The following SUSD6 variants were observed in gnomAD, a reference collection of about 807,000 sequenced individuals.
The protein encoded by SUSD6 is sushi domain-containing protein 6.
SUSD6 carries 16 observed loss-of-function variants against 28.4 expected under a neutral mutation model. The observed-to-expected ratio is 0.56, with a 90% confidence interval of 0.38 to 0.86. The LOEUF (loss-of-function observed/expected upper bound fraction) is 0.86, where lower values mean the gene tolerates loss of function less well. SUSD6 is among the 40% of genes least tolerant of loss of function. The pLI is 0.00. For synonymous variants in SUSD6, 147 were observed against 159.6 expected (o/e 0.92, Z 0.59); for missense variants, 341 against 384.2 (o/e 0.89, Z 0.94).
intron 1 of SUSD6, among the ~76,000 whole-genome samples, chr14:69,613,729 G>A (rs10148264): frequency 6.6e-6 from 1 of 152,166 alleles, no homozygotes; most frequent in Admixed American, 6.5e-5. Flanking sequence ...GACAGTATTG[G>A]TATGAGTCCT....
intron 1 of SUSD6, among the ~76,000 whole-genome samples, chr14:69,641,520 T>A (rs1328390842): frequency 1.3e-5 from 2 of 152,234 alleles, no homozygotes; most frequent in Non-Finnish European, 2.9e-5. Context: ...AATCTGCTGT[T>A]AATCCTATCC....
At chr14:69,615,796 C>T (rs1291019752) in intron 1 of SUSD6, 1 of 152,168 alleles carries the variant, frequency 6.6e-6, no homozygotes, top group Non-Finnish European at 1.5e-5. Context: ...CTCCCTGGCT[C>T]TTCTATCTCA....
intron 2 of SUSD6, among the ~76,000 whole-genome samples, chr14:69,660,692 C>A (rs1885649428): frequency 6.6e-6 from 1 of 152,236 alleles, no homozygotes; most frequent in Non-Finnish European, 1.5e-5. Flanking sequence ...TTTGTAGAAC[C>A]TTCCAGTTAA....
intron 2 of SUSD6, among the ~76,000 whole-genome samples, chr14:69,689,638 A>G (rs1251560022): frequency 1.3e-5 from 2 of 152,208 alleles, no homozygotes; most frequent in Non-Finnish European, 2.9e-5. Context: ...ACCTGGAGAG[A>G]ATAAGAATCA....
intron 4 of SUSD6, among the ~76,000 whole-genome samples, chr14:69,705,615 G>A (rs1886377287): frequency 6.6e-6 from 1 of 152,164 alleles, no homozygotes; most frequent in Non-Finnish European, 1.5e-5. Flanking sequence ...CAACACTTGG[G>A]CCTCCATTCC....
At chr14:69,615,858 T>A (rs1306066153) in intron 1 of SUSD6, 1 of 152,216 alleles carries the variant, frequency 6.6e-6, no homozygotes, top group Non-Finnish European at 1.5e-5. Context: ...TGCCAAGAAT[T>A]CACACAGTAC....
chr14:69,691,004 A>G (rs1020715396), intron 2 of SUSD6, among the ~76,000 whole-genome samples: 7 of 152,116 alleles, frequency 4.6e-5, no homozygotes, highest in Non-Finnish European at 7.3e-5. Context: ...GGCTCACTTC[A>G]TGGTATGCCT....
chr14:69,632,876 C>A (rs1233590999), intron 1 of SUSD6, among the ~76,000 whole-genome samples: 1 of 152,146 alleles, frequency 6.6e-6, no homozygotes, highest in Non-Finnish European at 1.5e-5. Context: ...GTCAGTGACC[C>A]GCCCTCCCAG....
chr14:69,695,518 A>G lies in SUSD6; in HGVS notation c.122-7877A>G, dbSNP rs75784497. 5.6e-3 allele frequency among the ~76,000 whole-genome samples: 857 copies of G among 152,264 alleles called. 38 individuals carry two copies. In the East Asian group the frequency reaches 0.11, roughly 19 times the overall value. On this transcript the variant is annotated intron_variant, in intron 2 of 5. Coordinates refer to ENST00000342745, the MANE Select transcript of SUSD6 (RefSeq NM_014734.4). ...TGGTTCATTGCCTTCATGTATTGAA[A>G]CTGAGGCCCAGAGTCTACGGGCAGT... is the stretch of plus-strand genomic sequence containing the variant.
chr14:69,711,123 T>G lies in SUSD6; in HGVS notation c.*144T>G. ...TGTATCTGTGTATCTCTGAGGGCCC[T>G]ATAGGCCCACCTTGCTGGAAACTCA... On this transcript the variant is annotated 3_prime_UTR_variant, in exon 6 of 6. Coordinates refer to ENST00000342745, the MANE Select transcript of SUSD6 (RefSeq NM_014734.4). 1.3e-6 allele frequency: 1 copy of G among 743,338 alleles called. No individual in the cohort carries two copies. 46.0% of individuals were successfully genotyped at this position (743,338 alleles called of 1,614,324 possible).
chr14:69,635,668 T>C lies in SUSD6; in HGVS notation c.-80-22845T>C, dbSNP rs576760651. On this transcript the variant is annotated intron_variant, in intron 1 of 5. Coordinates refer to ENST00000342745, the MANE Select transcript of SUSD6 (RefSeq NM_014734.4). ...ATTTTCACCTCCACCCAGAGGTTCC[T>C]TGTGGCAGATGTGAAGGAGTTTAGA... is the stretch of plus-strand genomic sequence containing the variant. Among the ~76,000 whole-genome samples the C allele has an allele frequency of 6.6e-5, 10 of 151,086 alleles. No homozygotes were observed. The South Asian group carries it at 2.1e-3, about 32-fold the overall frequency.
intron 3 of SUSD6, 101 bp downstream of exon 3, chr14:69,703,693 G>A: frequency 1.8e-6 from 2 of 1,084,364 alleles, no homozygotes; most frequent in Non-Finnish European, 2.7e-6. Flanking sequence ...TTGCTGTGGT[G>A]CAGCCCAGCC....
intron 2 of SUSD6, among the ~76,000 whole-genome samples, chr14:69,685,152 A>C (rs1886053900): frequency 6.6e-6 from 1 of 152,226 alleles, no homozygotes; most frequent in African/African-American, 2.4e-5. Context: ...CCCAGAGTTC[A>C]GAATCGGTTG....
At chr14:69,624,985 C>G (rs1053144013) in intron 1 of SUSD6, among the ~76,000 whole-genome samples, 6 of 152,268 alleles carry the variant, frequency 3.9e-5, no homozygotes, top group African/African-American at 1.4e-4. Flanking sequence ...AAAGTACTCC[C>G]TTGTAGAATT....
intron 2 of SUSD6, among the ~76,000 whole-genome samples, chr14:69,686,923 A>G (rs1886082343): frequency 6.6e-6 from 1 of 152,196 alleles, no homozygotes; most frequent in Non-Finnish European, 1.5e-5. Flanking sequence ...GTACTCATTT[A>G]TATGCTAATT....
intron 2 of SUSD6, among the ~76,000 whole-genome samples, chr14:69,677,469 C>T (rs917243139): frequency 6.6e-6 from 1 of 151,220 alleles, no homozygotes; most frequent in Non-Finnish European, 1.5e-5. Flanking sequence ...ATGGCATGAA[C>T]CTGGGAGGCG....
intron 2 of SUSD6, among the ~76,000 whole-genome samples, chr14:69,667,491 C>G (rs1566599286): frequency 6.6e-6 from 1 of 150,708 alleles, no homozygotes; most frequent in East Asian, 2.0e-4. Flanking sequence ...ATTCTCCTGT[C>G]TCAGCCTCCC....
chr14:69,642,130 A>G (rs1477077497), intron 1 of SUSD6, among the ~76,000 whole-genome samples: 2 of 152,222 alleles, frequency 1.3e-5, no homozygotes, highest in African/African-American at 2.4e-5. Flanking sequence ...AAAGCCAATC[A>G]TAGTTCTACC....
At chr14:69,646,489 G>A (rs1885427876) in intron 1 of SUSD6, among the ~76,000 whole-genome samples, 1 of 151,942 alleles carries the variant, frequency 6.6e-6, no homozygotes, top group African/African-American at 2.4e-5. Context: ...TGCTCTATAG[G>A]GTTTCACATT....
Sources: gnomAD v4.1 joint callset for allele counts (sites outside exome capture counted in the v4.1 genomes callset) on GRCh38, gnomAD v4.1.1 for gene constraint, MANE v1.5 for transcripts, NCBI Gene and HGNC (gene_info 2026-07-23, HGNC 2026-07-21) for gene names.